PCDH15: variants seen among roughly 807,000 people sequenced by gnomAD.
PCDH15 encodes protocadherin related 15.
In PCDH15, 129 loss-of-function variants were observed where a neutral mutation model predicts 178.5. That is an observed-to-expected ratio of 0.72 (90% confidence interval 0.63 to 0.84). The LOEUF (loss-of-function observed/expected upper bound fraction) is 0.84, where lower values mean the gene tolerates loss of function less well. Ranked by LOEUF, PCDH15 falls within the 40% of genes least tolerant of loss-of-function variation. The pLI, the probability that PCDH15 is intolerant of heterozygous loss-of-function variation, is 0.00. For missense variants in PCDH15, 2,230 were observed against 2,099.9 expected (o/e 1.06, Z -1.21); for synonymous variants, 800 against 732.0 (o/e 1.09, Z -1.50).
chr10:54,185,054 A>G, intron 12 of PCDH15, 80 bp downstream of exon 12: 3 of 1,533,718 alleles, frequency 2.0e-6, no homozygotes, highest in South Asian at 1.1e-5. Flanking sequence ...AGTTTTAACC[A>G]GACATCTCTT....
upstream of PCDH15, among the ~76,000 whole-genome samples, chr10:55,323,630 A>G (rs1044005777): frequency 1.2e-4 from 19 of 152,308 alleles, no homozygotes; most frequent in Non-Finnish European, 1.9e-4. Flanking sequence ...TCCTTTGTTT[A>G]GGCCAATTTC....
chr10:55,391,354 T>G (rs564284499), intron 2 of PCDH15, among the ~76,000 whole-genome samples: 1 of 152,224 alleles, frequency 6.6e-6, no homozygotes, highest in South Asian at 2.1e-4. Context: ...TTGTTCTGTA[T>G]TAGGCTTTGG....
chr10:54,823,099 C>G (rs1208882805), intron 3 of PCDH15, among the ~76,000 whole-genome samples: 1 of 151,998 alleles, frequency 6.6e-6, no homozygotes, highest in African/African-American at 2.4e-5. Flanking sequence ...CCAGGTTGGT[C>G]TCAAACTCCT....
chr10:54,850,952 A>G (rs1953609495), intron 3 of PCDH15, among the ~76,000 whole-genome samples: 1 of 152,180 alleles, frequency 6.6e-6, no homozygotes, highest in Non-Finnish European at 1.5e-5. Context: ...GGGCTTTAGC[A>G]TGGAAGAGTA....
intron 26 of PCDH15, among the ~76,000 whole-genome samples, chr10:53,875,065 T>G (rs1460104754): frequency 6.6e-6 from 1 of 151,268 alleles, no homozygotes; most frequent in Non-Finnish European, 1.5e-5. Context: ...GTTTGAGATA[T>G]GGAGTTTAGA....
intron 2 of PCDH15, among the ~76,000 whole-genome samples, chr10:54,539,620 C>A (rs919331522): frequency 6.6e-6 from 1 of 152,118 alleles, no homozygotes; most frequent in Non-Finnish European, 1.5e-5. Flanking sequence ...TGACACTTGA[C>A]AAATTGAGCA....
At position 53,888,664 on chromosome 10, in the gene PCDH15, GAT is replaced by G. The variant is rs59914675; in HGVS notation, c.3501+14577_3501+14578del. On this transcript the variant is annotated intron_variant, in intron 26 of 37. Transcript: ENST00000644397. ...TTTCAATTCCCTAGCAGTTAAGTTT[GAT>G]ATATATATATATATATATATATATA... is the stretch of plus-strand genomic sequence containing the variant. 8.2e-3 allele frequency among the ~76,000 whole-genome samples: 140 copies of G among 16,992 alleles called. 1 individual carries two copies. Among genetic ancestry groups the G allele is most frequent in the Non-Finnish European group, 0.012 (49 of 4,216 alleles). The allele number at this position is 16,992 out of a possible 152,430, so 11.1% of individuals were successfully genotyped here.
intron 1 of PCDH15, among the ~76,000 whole-genome samples, chr10:55,312,621 GTT>G (rs200245300): frequency 8.3e-5 from 12 of 145,302 alleles, no homozygotes; most frequent in African/African-American, 1.0e-4. Flanking sequence ...AAGTAATAGA[GTT>G]TTTTTTTTTT....
At chr10:54,408,866 A>G (rs892627123) in intron 3 of PCDH15, among the ~76,000 whole-genome samples, 3 of 152,134 alleles carry the variant, frequency 2.0e-5, no homozygotes, top group Admixed American at 6.6e-5. Context: ...AGCTTTCTGG[A>G]ACCAGGCATC....
At chr10:54,448,617 CATT>C (rs1396535134) in intron 3 of PCDH15, among the ~76,000 whole-genome samples, 4 of 151,460 alleles carry the variant, frequency 2.6e-5, no homozygotes, top group African/African-American at 9.7e-5. Context: ...TTATGGAAAA[CATT>C]AAAAAAAGGA....
At chr10:55,313,565 C>T (rs554496012) in intron 1 of PCDH15, among the ~76,000 whole-genome samples, 3 of 152,214 alleles carry the variant, frequency 2.0e-5, no homozygotes, top group Non-Finnish European at 4.4e-5. Context: ...CTTGCTAGTG[C>T]ATAGGACAAT....
chr10:55,344,998 G>A (rs1336371867), intron 2 of PCDH15, among the ~76,000 whole-genome samples: 2 of 151,834 alleles, frequency 1.3e-5, no homozygotes, highest in African/African-American at 4.8e-5. Flanking sequence ...TTGCATAAAT[G>A]TTTTCTGGGT....
chr10:55,297,864 T>C (rs1489668174), intron 1 of PCDH15, among the ~76,000 whole-genome samples: 2 of 151,944 alleles, frequency 1.3e-5, no homozygotes, highest in Non-Finnish European at 2.9e-5. Context: ...CTTTAGTAAC[T>C]CCCCACCCAC....
At chr10:54,285,195 T>A (rs914305800) in intron 8 of PCDH15, among the ~76,000 whole-genome samples, 1 of 151,878 alleles carries the variant, frequency 6.6e-6, no homozygotes, top group Non-Finnish European at 1.5e-5. Flanking sequence ...TAGGCACAGG[T>A]TTTTTTGGAT....
chr10:54,266,989 C>T (rs1210725176), intron 8 of PCDH15, among the ~76,000 whole-genome samples: 1 of 151,624 alleles, frequency 6.6e-6, no homozygotes, highest in Non-Finnish European at 1.5e-5. Context: ...AAAAGAAAAC[C>T]CTAGGCCAAT....
At chr10:54,482,370 T>C (rs763853637) in intron 3 of PCDH15, among the ~76,000 whole-genome samples, 5 of 151,776 alleles carry the variant, frequency 3.3e-5, no homozygotes, top group Admixed American at 1.3e-4. Context: ...CTGGAAAAAG[T>C]ATAAAAGCAG....
At chr10:54,588,462 T>C (rs571345739) in intron 2 of PCDH15, among the ~76,000 whole-genome samples, 2 of 152,220 alleles carry the variant, frequency 1.3e-5, no homozygotes, top group Non-Finnish European at 2.9e-5. Context: ...CATATTAATT[T>C]GTAAATGAAA....
At chr10:54,433,881 GC>G (rs1342431518) in intron 3 of PCDH15, among the ~76,000 whole-genome samples, 1 of 151,926 alleles carries the variant, frequency 6.6e-6, no homozygotes, top group African/African-American at 2.4e-5. Flanking sequence ...TTGTAAAACA[GC>G]CTCAGGCCAA....
chr10:54,536,634 TG>T (rs1281754058), intron 2 of PCDH15, among the ~76,000 whole-genome samples: 1 of 152,178 alleles, frequency 6.6e-6, no homozygotes, highest in Middle Eastern at 3.2e-3. Flanking sequence ...TTTAAATACT[TG>T]TCCCTCTTCC....
Sources: gnomAD v4.1 joint callset for allele counts (sites outside exome capture counted in the v4.1 genomes callset) on GRCh38, gnomAD v4.1.1 for gene constraint, MANE v1.5 for transcripts, NCBI Gene and HGNC (gene_info 2026-07-23, HGNC 2026-07-21) for gene names.